The following RALGPS2 variants were observed in gnomAD, a reference collection of about 807,000 sequenced individuals.
The protein encoded by RALGPS2 is Ral GEF with PH domain and SH3 binding motif 2, also known as ras-specific guanine nucleotide-releasing factor RalGPS2.
Under a neutral mutation model 86.8 loss-of-function variants are expected in RALGPS2, and 43 were observed. The observed-to-expected ratio is 0.50, with a 90% CI of 0.39 to 0.64. RALGPS2 has a LOEUF of 0.64. Among genes scored for constraint, RALGPS2 ranks in the 30% least tolerant of loss-of-function variants. RALGPS2 has a pLI of 0.00. For missense variants in RALGPS2, 536 were observed against 694.6 expected (o/e 0.77, Z 2.57); for synonymous variants, 243 against 231.3 (o/e 1.05, Z -0.46).
chr1:178,876,104 T>A (rs756997845), intron 8 of RALGPS2, among the ~76,000 whole-genome samples: 1 of 152,168 alleles, frequency 6.6e-6, no homozygotes, highest in African/African-American at 2.4e-5. Context: ...ATGCCAACCT[T>A]TTATGTTAAG....
At chr1:178,836,124 C>T (rs1480862296) in intron 8 of RALGPS2, among the ~76,000 whole-genome samples, 5 of 152,132 alleles carry the variant, frequency 3.3e-5, no homozygotes, top group African/African-American at 9.7e-5. Flanking sequence ...CATTCATGCA[C>T]TCTCATGCAC....
chr1:178,784,468 A>G lies in RALGPS2; in HGVS notation c.108A>G (p.Lys36=). The G allele has an allele frequency of 1.9e-6, 3 of 1,607,070 alleles. No homozygotes were observed. Among genetic ancestry groups the G allele is most frequent in the East Asian group, 2.2e-5 (1 of 44,784 alleles). ...GTGACAAAGGCTCTGAATTGAAGAA[A>G]AGCTTTGATGCTGTGGTATTCGATG... ...SLSDKGSELK[K]SFDAVVFDVL... is the part of the protein sequence containing the mutation. Residue 36 remains lysine, a synonymous_variant, in exon 3 of 20, where the codon AAA becomes AAG. Transcript: ENST00000367635.
At chr1:178,894,125 A>G in intron 16 of RALGPS2, 101 bp downstream of exon 16, 1 of 681,280 alleles carries the variant, frequency 1.5e-6, no homozygotes, top group Non-Finnish European at 2.4e-6. Context: ...ACCTGATTAT[A>G]GTAGACTTGA....
At chr1:178,888,194 T>C (rs1659569268) in intron 13 of RALGPS2, among the ~76,000 whole-genome samples, 1 of 152,210 alleles carries the variant, frequency 6.6e-6, no homozygotes, top group Middle Eastern at 3.2e-3. Flanking sequence ...CAGTAAAAGA[T>C]CATTGCATCC....
At chr1:178,742,943 T>C (rs867232578) in intron 1 of RALGPS2, among the ~76,000 whole-genome samples, 59 of 152,354 alleles carry the variant, frequency 3.9e-4, no homozygotes, top group African/African-American at 1.4e-3. Context: ...GGGCTGGTTG[T>C]GGTGGCCCAT....
At chr1:178,744,034 C>G (rs1160565107) in intron 1 of RALGPS2, among the ~76,000 whole-genome samples, 1 of 152,138 alleles carries the variant, frequency 6.6e-6, no homozygotes, top group Non-Finnish European at 1.5e-5. Context: ...CCTTCTTACT[C>G]AAACTAGACA....
intron 19 of RALGPS2, 21 bp downstream of exon 19, chr1:178,906,888 T>G: frequency 6.2e-7 from 1 of 1,602,796 alleles, no homozygotes; most frequent in East Asian, 2.2e-5. Context: ...CTCCTAATTC[T>G]CAGAATAGTC....
intron 17 of RALGPS2, among the ~76,000 whole-genome samples, chr1:178,900,498 G>A (rs558199453): frequency 6.6e-5 from 10 of 152,026 alleles, no homozygotes; most frequent in South Asian, 2.1e-4. Context: ...TGGCCAGTCC[G>A]AGTCAGTATT....
chr1:178,750,798 T>C (rs1022436332), intron 1 of RALGPS2, among the ~76,000 whole-genome samples: 2 of 152,158 alleles, frequency 1.3e-5, no homozygotes, highest in Non-Finnish European at 2.9e-5. Context: ...AAAATAAAAG[T>C]ATTGTGGTAC....
At chr1:178,727,109 A>C (rs1015381438) in intron 1 of RALGPS2, among the ~76,000 whole-genome samples, 2 of 152,282 alleles carry the variant, frequency 1.3e-5, no homozygotes, top group Non-Finnish European at 1.5e-5. Context: ...ATGTAAGGGC[A>C]TTAATGCCAT....
chr1:178,783,494 T>C (rs1653495075), intron 2 of RALGPS2, among the ~76,000 whole-genome samples: 1 of 152,202 alleles, frequency 6.6e-6, no homozygotes. Context: ...CAGATCCCTT[T>C]CTTTGTAATG....
chr1:178,899,653 G>GTTTTTTTTTTTTTTTT (rs57623890), intron 17 of RALGPS2, among the ~76,000 whole-genome samples: 1 of 140,558 alleles, frequency 7.1e-6, no homozygotes, highest in African/African-American at 2.6e-5. Context: ...TTTGGTTTTG[G>GTTTTTTTTTTTTTTTT]TTTTTTTTTT....
rs1262121992 is a variant in RALGPS2, at chr1:178,827,616, C to G, written c.481-5808C>G. Among the ~76,000 whole-genome samples the G allele has an allele frequency of 3.3e-5, 5 of 151,958 alleles. No homozygotes were observed. The South Asian group carries it at 1.0e-3, about 32-fold the overall frequency. On this transcript the variant is annotated intron_variant, in intron 7 of 19. Transcript: ENST00000367635. Reference sequence around the variant, plus strand: ...TTCACCATTTTAGCCGGGATGGTCTCGATCTCCTGACCTCGTGATCCGCCC... The same window carrying G: ...TTCACCATTTTAGCCGGGATGGTCTGGATCTCCTGACCTCGTGATCCGCCC...
chr1:178,823,138 G>A (rs1233754355), intron 7 of RALGPS2, among the ~76,000 whole-genome samples: 1 of 152,130 alleles, frequency 6.6e-6, no homozygotes, highest in Non-Finnish European at 1.5e-5. Context: ...TTTTATTTAT[G>A]ATTTGGTTTA....
chr1:178,795,761 G>A (rs190449325), intron 4 of RALGPS2, among the ~76,000 whole-genome samples: 19 of 152,186 alleles, frequency 1.2e-4, no homozygotes, highest in East Asian at 7.7e-4. Flanking sequence ...AGATATTTCC[G>A]ACAGTATATA....
At chr1:178,821,046 G>A (rs1226764620) in intron 6 of RALGPS2, among the ~76,000 whole-genome samples, 5 of 152,186 alleles carry the variant, frequency 3.3e-5, no homozygotes, top group Admixed American at 3.3e-4. Context: ...TTAGGTAGGA[G>A]TTTTATGCAT....
At chr1:178,762,575 A>G (rs1572298365) in intron 1 of RALGPS2, among the ~76,000 whole-genome samples, 1 of 152,118 alleles carries the variant, frequency 6.6e-6, no homozygotes, top group Admixed American at 6.5e-5. Flanking sequence ...GTATCTCATT[A>G]TGGTTTTGAT....
intron 11 of RALGPS2, among the ~76,000 whole-genome samples, chr1:178,884,492 C>T (rs1348236499): frequency 6.6e-6 from 1 of 151,862 alleles, no homozygotes; most frequent in Non-Finnish European, 1.5e-5. Context: ...AGAAACAAAC[C>T]ATGACAATGT....
At chr1:178,775,719 G>GTT (rs1257429543) in intron 1 of RALGPS2, among the ~76,000 whole-genome samples, 1 of 152,096 alleles carries the variant, frequency 6.6e-6, no homozygotes, top group African/African-American at 2.4e-5. Flanking sequence ...CAGAAGCTCT[G>GTT]TGTTTGTTTG....
Sources: allele counts gnomAD v4.1 joint callset (sites outside exome capture counted in the v4.1 genomes callset), GRCh38; gene constraint gnomAD v4.1.1; transcripts MANE v1.5; gene names NCBI Gene and HGNC (gene_info 2026-07-23, HGNC 2026-07-21).